POLR3B: variants seen among roughly 807,000 people sequenced by gnomAD.
POLR3B encodes the protein DNA-directed RNA polymerase III subunit RPC2.
POLR3B carries 96 observed loss-of-function variants against 147.4 expected under a neutral mutation model. That is an observed-to-expected ratio of 0.65 (90% CI 0.55 to 0.77). POLR3B has a LOEUF of 0.77. Ranked by LOEUF, POLR3B falls within the 30% of genes least tolerant of loss-of-function variation. The probability of loss-of-function intolerance (pLI) is 0.00; values close to 1 mark genes in which losing one functional copy is unlikely to be tolerated. For synonymous variants in POLR3B, 461 were observed against 485.9 expected, an observed-to-expected ratio of 0.95 and a Z score of 0.67; for missense variants, 1,036 against 1,413.5, an observed-to-expected ratio of 0.73 and a Z score of 4.28.
At chr12:106,498,598 T>TTTG in intron 25 of POLR3B, among the ~76,000 whole-genome samples, 1 of 151,946 alleles carries the variant, frequency 6.6e-6, no homozygotes, top group African/African-American at 2.4e-5. Context: ...TTTGTTTTTT[T>TTTG]GAGACAGAGC....
chr12:106,437,294 T>C (rs577484442), intron 17 of POLR3B, among the ~76,000 whole-genome samples, 163 bp downstream of exon 17: 2 of 152,386 alleles, frequency 1.3e-5, no homozygotes, highest in African/African-American at 4.8e-5. Context: ...TTGTAAAATA[T>C]TCATCAATTT....
intron 23 of POLR3B, among the ~76,000 whole-genome samples, chr12:106,493,200 T>C (rs150117133): frequency 1.1e-4 from 17 of 152,338 alleles, no homozygotes; most frequent in Non-Finnish European, 1.5e-4. Context: ...TGTTAACACA[T>C]TGAAGCGCAC....
chr12:106,484,222 G>A (rs1477906612), intron 23 of POLR3B, among the ~76,000 whole-genome samples: 1 of 152,138 alleles, frequency 6.6e-6, no homozygotes, highest in Admixed American at 6.5e-5. Flanking sequence ...GCATAAAGAA[G>A]AAAAACCACG....
At position 106,386,979 on chromosome 12, in the gene POLR3B, G is replaced by A. The variant is rs527812492; in HGVS notation, c.724-6052G>A. The stretch of plus-strand genomic sequence containing the variant: ...ATATTGTACATCTATACACGCATAT[G>A]CTTACATACACACAGCTGACTTAAA... On this transcript the variant is annotated intron_variant, in intron 9 of 27. Coordinates refer to ENST00000228347, the MANE Select transcript of POLR3B (RefSeq NM_018082.6). Among the ~76,000 whole-genome samples, 4 of 152,210 alleles carry A rather than the reference G, an allele frequency of 2.6e-5. No homozygotes were observed. In the South Asian group the frequency reaches 6.2e-4, roughly 24 times the overall value.
chr12:106,493,643 T>C (rs1022990683), intron 23 of POLR3B, among the ~76,000 whole-genome samples: 20 of 152,248 alleles, frequency 1.3e-4, no homozygotes, highest in Admixed American at 9.8e-4. Context: ...AAGTTAATTA[T>C]TTACTTGTGT....
intron 18 of POLR3B, among the ~76,000 whole-genome samples, chr12:106,440,140 G>A (rs915757009): frequency 2.6e-5 from 4 of 152,054 alleles, no homozygotes; most frequent in Non-Finnish European, 4.4e-5. Context: ...CAGTTCCATC[G>A]TTGTATTACT....
chr12:106,393,262 A>G, intron 10 of POLR3B, 109 bp downstream of exon 10: 9 of 1,482,796 alleles, frequency 6.1e-6, no homozygotes, highest in East Asian at 2.3e-5. Context: ...GATTTGGGAA[A>G]GGTATTGGGG....
Position 106,479,791 on chromosome 12 carries a change from C to G in POLR3B, c.2713+16171C>G, listed in dbSNP as rs992657005. 3.8e-4 allele frequency among the ~76,000 whole-genome samples: 29 copies of G among 76,484 alleles called. No individual in the cohort carries two copies. In the East Asian group the frequency reaches 7.1e-3, roughly 19 times the overall value. 50.2% of individuals were successfully genotyped at this position (76,484 alleles called of 152,430 possible). ...TTTTCTTCTGTTTCTAATTTTCTTTCCTTCCTTCTTTTCTTTTCTTTTCTT... is the reference window on the plus strand; with the variant it reads ...TTTTCTTCTGTTTCTAATTTTCTTTGCTTCCTTCTTTTCTTTTCTTTTCTT... On this transcript the variant is annotated intron_variant, in intron 23 of 27. Coordinates refer to ENST00000228347, the MANE Select transcript of POLR3B (RefSeq NM_018082.6).
rs559027435 is a variant in POLR3B, at chr12:106,458,349, C to T, written c.2453-902C>T. 1.6e-4 allele frequency among the ~76,000 whole-genome samples: 24 copies of T among 152,166 alleles called. 1 individual carries two copies. The South Asian group carries it at 4.8e-3, about 30-fold the overall frequency. On this transcript the variant is annotated intron_variant, in intron 21 of 27. Coordinates refer to ENST00000228347, the MANE Select transcript of POLR3B (RefSeq NM_018082.6). Reference sequence around the variant, plus strand: ...ATCTTGTCCAGGCTTGTCTTGAACTCCTGGGCTCAAGTTCTCCACCCACCT... The same window carrying T: ...ATCTTGTCCAGGCTTGTCTTGAACTTCTGGGCTCAAGTTCTCCACCCACCT...
At chr12:106,402,621 A>G (rs1290637020) in intron 10 of POLR3B, among the ~76,000 whole-genome samples, 2 of 152,212 alleles carry the variant, frequency 1.3e-5, no homozygotes, top group Admixed American at 1.3e-4. Context: ...ATATCGACCA[A>G]TGGAACAGAA....
intron 20 of POLR3B, among the ~76,000 whole-genome samples, chr12:106,456,852 T>TTC (rs2037871598): frequency 6.6e-6 from 1 of 152,188 alleles, no homozygotes; most frequent in Non-Finnish European, 1.5e-5. Context: ...AGTCTTAGAT[T>TTC]TCTCTCACCG....
chr12:106,373,816 G>A (rs2036641444), intron 6 of POLR3B, among the ~76,000 whole-genome samples: 2 of 151,894 alleles, frequency 1.3e-5, no homozygotes, highest in Non-Finnish European at 2.9e-5. Context: ...ACTGCATATG[G>A]TTAGATTTTT....
intron 12 of POLR3B, among the ~76,000 whole-genome samples, chr12:106,412,342 T>C (rs1196023348): frequency 6.6e-6 from 1 of 152,226 alleles, no homozygotes; most frequent in Non-Finnish European, 1.5e-5. Flanking sequence ...GGGATTTAGA[T>C]AGAGTTTAAA....
intron 19 of POLR3B, among the ~76,000 whole-genome samples, chr12:106,453,542 G>C (rs916075894): frequency 6.6e-6 from 1 of 151,992 alleles, no homozygotes; most frequent in Non-Finnish European, 1.5e-5. Flanking sequence ...TATTCACAGG[G>C]GGAGAAAAGA....
intron 1 of POLR3B, chr12:106,358,182 G>A (rs568353995): frequency 1.4e-4 from 205 of 1,432,978 alleles, no homozygotes; most frequent in South Asian, 1.1e-3. Context: ...GGGCCGAGAA[G>A]CCCCGCTGCT....
At chr12:106,427,162 G>GA in intron 12 of POLR3B, 35 bp from the exon 13 acceptor site, 1 of 1,345,436 alleles carries the variant, frequency 7.4e-7, no homozygotes. Context: ...AATGCTTTTT[G>GA]AAAAATCACC....
At chr12:106,360,126 T>A (rs935376900) in intron 1 of POLR3B, among the ~76,000 whole-genome samples, 1 of 152,228 alleles carries the variant, frequency 6.6e-6, no homozygotes, top group Non-Finnish European at 1.5e-5. Context: ...ACGACTGTCC[T>A]CTCTTACTTC....
intron 16 of POLR3B, among the ~76,000 whole-genome samples, chr12:106,435,067 G>T (rs545908589): frequency 1.3e-5 from 2 of 151,844 alleles, no homozygotes; most frequent in East Asian, 1.9e-4. Flanking sequence ...AACTGCTCTC[G>T]TTCCTTTTCT....
At chr12:106,417,483 T>C (rs747236271) in intron 12 of POLR3B, among the ~76,000 whole-genome samples, 3 of 152,052 alleles carry the variant, frequency 2.0e-5, no homozygotes, top group Admixed American at 6.6e-5. Flanking sequence ...TGATTTTTAG[T>C]TTAGAAAGAT....
Sources: gnomAD v4.1 joint callset for allele counts (sites outside exome capture counted in the v4.1 genomes callset) on GRCh38, gnomAD v4.1.1 for gene constraint, MANE v1.5 for transcripts, NCBI Gene and HGNC (gene_info 2026-07-23, HGNC 2026-07-21) for gene names.